Variants in PSMB7 observed in about 807,000 individuals in gnomAD.
PSMB7 encodes proteasome subunit beta type-7.
PSMB7 carries 5 observed loss-of-function variants against 28.1 expected under a neutral mutation model. The observed-to-expected ratio is 0.18, with a 90% CI of 0.09 to 0.37. PSMB7 has a LOEUF of 0.37. Among genes scored for constraint, PSMB7 ranks in the 10% least tolerant of loss-of-function variants. PSMB7 has a pLI of 1.00. For synonymous variants in PSMB7, 122 were observed against 123.7 expected (o/e 0.99, Z 0.09); for missense variants, 275 against 346.2 (o/e 0.79, Z 1.63).
chr9:124,410,521 T>C (rs1005595670), intron 4 of PSMB7, among the ~76,000 whole-genome samples: 18 of 152,232 alleles, frequency 1.2e-4, no homozygotes, highest in African/African-American at 4.3e-4. Flanking sequence ...GGGAGCTTTA[T>C]ATTTAAAATT....
intron 6 of PSMB7, among the ~76,000 whole-genome samples, chr9:124,382,322 C>T (rs1281458834): frequency 1.6e-5 from 2 of 125,570 alleles, no homozygotes; most frequent in Non-Finnish European, 3.5e-5. Flanking sequence ...ATTCTCCTTC[C>T]TCAGCCTCCC....
intron 4 of PSMB7, among the ~76,000 whole-genome samples, chr9:124,409,077 T>A (rs147826214): frequency 8.5e-5 from 13 of 152,310 alleles, no homozygotes; most frequent in African/African-American, 2.9e-4. Flanking sequence ...TGCTCGTGGG[T>A]GGCAGGAATC....
At chr9:124,364,498 G>A (rs960443193) in intron 6 of PSMB7, among the ~76,000 whole-genome samples, 8 of 146,312 alleles carry the variant, frequency 5.5e-5, no homozygotes, top group African/African-American at 1.0e-4. Context: ...TATTTCCAAG[G>A]CTACACTGAA....
At chr9:124,374,704 A>G (rs1201546424) in intron 6 of PSMB7, among the ~76,000 whole-genome samples, 1 of 152,148 alleles carries the variant, frequency 6.6e-6, no homozygotes. Flanking sequence ...ACCCTCCTGT[A>G]TTCCAGCTAC....
intron 6 of PSMB7, among the ~76,000 whole-genome samples, chr9:124,372,726 C>G (rs1216411785): frequency 6.6e-6 from 1 of 152,136 alleles, no homozygotes; most frequent in African/African-American, 2.4e-5. Context: ...AAATGAGGAC[C>G]AGCCACCACC....
In PSMB7 at chr9:124,367,916, A is replaced by C. The variant is rs557165894; in HGVS notation, c.571-11001T>G. Among the ~76,000 whole-genome samples the C allele has an allele frequency of 6.3e-4, 96 of 152,362 alleles. No individual in the cohort carries two copies. In the South Asian group the frequency reaches 0.02, roughly 31 times the overall value. On this transcript the variant is annotated intron_variant, in intron 6 of 7. Coordinates refer to ENST00000259457, the MANE Select transcript of PSMB7 (RefSeq NM_002799.4). Reference sequence around the variant, plus strand: ...TTCAGGGCTACCAATGTGATAGGCAACTGATACGAACTTAGTACTTCTTTT... The same window carrying C: ...TTCAGGGCTACCAATGTGATAGGCACCTGATACGAACTTAGTACTTCTTTT...
intron 6 of PSMB7, among the ~76,000 whole-genome samples, chr9:124,378,263 A>G (rs1271427562): frequency 6.6e-6 from 1 of 152,264 alleles, no homozygotes; most frequent in African/African-American, 2.4e-5. Flanking sequence ...TGCCAAATGC[A>G]TAACAGAATG....
At chr9:124,412,634 A>G (rs773442473) in intron 3 of PSMB7, 142 bp from the exon 4 acceptor site, 14 of 797,528 alleles carry the variant, frequency 1.8e-5, no homozygotes, top group Non-Finnish European at 2.7e-5. Flanking sequence ...TTCTCTGTTT[A>G]GTCAACCTTA....
intron 6 of PSMB7, among the ~76,000 whole-genome samples, chr9:124,365,720 A>G (rs2131146941): frequency 6.6e-6 from 1 of 152,338 alleles, no homozygotes; most frequent in African/African-American, 2.4e-5. Flanking sequence ...GCTCGAGACC[A>G]GCCTGGGCAA....
intron 3 of PSMB7, among the ~76,000 whole-genome samples, chr9:124,413,428 GCC>G: frequency 6.6e-6 from 1 of 152,002 alleles, no homozygotes; most frequent in East Asian, 1.9e-4. Context: ...TATCCTAAAA[GCC>G]ATGTGGAAAT....
At chr9:124,409,409 T>A (rs1276742203) in intron 4 of PSMB7, among the ~76,000 whole-genome samples, 1 of 152,240 alleles carries the variant, frequency 6.6e-6, no homozygotes, top group Non-Finnish European at 1.5e-5. Flanking sequence ...AACATTTTTA[T>A]GAAACTCAAC....
chr9:124,414,277 C>A (rs1479157688), intron 2 of PSMB7, among the ~76,000 whole-genome samples: 1 of 152,204 alleles, frequency 6.6e-6, no homozygotes, highest in Non-Finnish European at 1.5e-5. Context: ...TAAATCAGAG[C>A]TAATCTGGAA....
intron 6 of PSMB7, among the ~76,000 whole-genome samples, chr9:124,380,689 C>G (rs55921019): frequency 0.016 from 2,370 of 152,178 alleles, 72 homozygotes; most frequent in African/African-American, 0.053. Flanking sequence ...GGAAAGGAGC[C>G]CTCGGGGGTA....
chr9:124,397,939 G>A (rs866406284), intron 5 of PSMB7, among the ~76,000 whole-genome samples: 8 of 152,130 alleles, frequency 5.3e-5, no homozygotes, highest in Non-Finnish European at 1.0e-4. Context: ...AGGCCGAGGC[G>A]GGTGGATCAC....
chr9:124,398,764 TA>T (rs1830867443), intron 5 of PSMB7, among the ~76,000 whole-genome samples: 1 of 152,224 alleles, frequency 6.6e-6, no homozygotes, highest in Admixed American at 6.5e-5. Context: ...AGCTGTGTTG[TA>T]CTGGGGCTTG....
At chr9:124,411,968 G>C (rs866595217) in intron 4 of PSMB7, among the ~76,000 whole-genome samples, 1 of 152,156 alleles carries the variant, frequency 6.6e-6, no homozygotes, top group Non-Finnish European at 1.5e-5. Flanking sequence ...CCTAAAGGGA[G>C]GGGGTGGGGG....
chr9:124,362,927 T>G (rs1233247620), intron 6 of PSMB7, among the ~76,000 whole-genome samples: 1 of 152,326 alleles, frequency 6.6e-6, no homozygotes, highest in East Asian at 1.9e-4. Context: ...TCACTTTGAT[T>G]TGAAATAGCA....
intron 5 of PSMB7, among the ~76,000 whole-genome samples, chr9:124,393,860 T>C (rs774615728): frequency 1.3e-5 from 2 of 152,182 alleles, no homozygotes; most frequent in Admixed American, 1.3e-4. Flanking sequence ...AAAACATAGG[T>C]GTCACCTACC....
chr9:124,380,720 C>G (rs1830655213), intron 6 of PSMB7, among the ~76,000 whole-genome samples: 1 of 152,178 alleles, frequency 6.6e-6, no homozygotes, highest in South Asian at 2.1e-4. Context: ...TCTCTATCTT[C>G]ATTTGAGTGC....
Sources: allele counts gnomAD v4.1 joint callset (sites outside exome capture counted in the v4.1 genomes callset), GRCh38; gene constraint gnomAD v4.1.1; transcripts MANE v1.5; gene names NCBI Gene and HGNC (gene_info 2026-07-23, HGNC 2026-07-21).